RANBP2: variants seen among roughly 807,000 people sequenced by gnomAD.
RANBP2 encodes the protein RAN binding protein 2, also known as E3 SUMO-protein ligase RanBP2.
A neutral mutation model predicts 303.6 loss-of-function variants in RANBP2; 57 were observed. The observed-to-expected ratio is 0.19, with a 90% CI of 0.15 to 0.23. The LOEUF (loss-of-function observed/expected upper bound fraction) is 0.23. Ranked by LOEUF, RANBP2 falls within the 10% of genes least tolerant of loss-of-function variation. RANBP2 has a pLI of 1.00. For missense variants in RANBP2, 3,138 were observed against 3,780.8 expected (o/e 0.83, Z 4.46); for synonymous variants, 1,167 against 1,301.5 (o/e 0.90, Z 2.23).
the RANBP2 span, among the ~76,000 whole-genome samples, chr2:109,403,298 G>A: frequency 1.3e-5 from 2 of 152,124 alleles, no homozygotes; most frequent in Non-Finnish European, 2.9e-5. Context: ...TCTCTCCTTC[G>A]GCTTCTTCTG....
the RANBP2 span, among the ~76,000 whole-genome samples, chr2:109,169,597 C>G: frequency 1.1e-3 from 166 of 152,136 alleles, no homozygotes; most frequent in Non-Finnish European, 2.0e-3. Flanking sequence ...ACAAACTGAC[C>G]GAGCTTAGCA....
At chr2:108,873,153 C>T in the RANBP2 span, among the ~76,000 whole-genome samples, 9 of 151,990 alleles carry the variant, frequency 5.9e-5, no homozygotes, top group Admixed American at 1.3e-4. Flanking sequence ...CTTATTGTTA[C>T]GAACTTACTG....
the RANBP2 span, chr2:108,897,098 C>T: frequency 1.7e-5 from 27 of 1,614,048 alleles, no homozygotes; most frequent in African/African-American, 9.3e-5. Context: ...CCAATCTCAT[C>T]CCTCTTCAGG....
At chr2:109,130,030 C>A in the RANBP2 span, 4 of 1,340,896 alleles carry the variant, frequency 3.0e-6, no homozygotes, top group South Asian at 5.8e-5. Flanking sequence ...CCCGGGTTCC[C>A]CGGTTTTCCT....
chr2:109,060,820 T>G, the RANBP2 span, among the ~76,000 whole-genome samples: 1 of 152,206 alleles, frequency 6.6e-6, no homozygotes, highest in East Asian at 1.9e-4. Flanking sequence ...TTCTCTGAGA[T>G]TATAATTTCT....
chr2:109,432,799 G>A, the RANBP2 span: 2 of 1,299,340 alleles, frequency 1.5e-6, no homozygotes, highest in East Asian at 5.2e-5. Flanking sequence ...CAGTGCCCAG[G>A]GTTCAGCCCC....
the RANBP2 span, chr2:108,910,733 TG>T: frequency 6.2e-7 from 1 of 1,604,198 alleles, no homozygotes; most frequent in Non-Finnish European, 8.5e-7. Context: ...CACCCAGAGA[TG>T]GGCACCGTGC....
the RANBP2 span, among the ~76,000 whole-genome samples, chr2:109,658,539 A>C: frequency 6.6e-6 from 1 of 152,360 alleles, no homozygotes; most frequent in South Asian, 2.1e-4. Flanking sequence ...CTTTCAGAAC[A>C]AGGTTGACTC....
At chr2:109,429,595 C>T in the RANBP2 span, among the ~76,000 whole-genome samples, 1 of 152,122 alleles carries the variant, frequency 6.6e-6, no homozygotes, top group Non-Finnish European at 1.5e-5. Flanking sequence ...CTCCCCGGGC[C>T]ACACCTCTGT....
chr2:109,262,955 C>T, the RANBP2 span, among the ~76,000 whole-genome samples: 1 of 152,186 alleles, frequency 6.6e-6, no homozygotes, highest in Non-Finnish European at 1.5e-5. Flanking sequence ...GTCTCAGCCT[C>T]CCACGTAGCT....
intron 8 of RANBP2, among the ~76,000 whole-genome samples, chr2:108,747,737 G>A (rs1211426321): frequency 6.6e-6 from 1 of 152,144 alleles, no homozygotes; most frequent in Admixed American, 6.6e-5. Context: ...CTGTGTAGTG[G>A]TAACCAAACC....
chr2:108,910,475 G>C, the RANBP2 span: 1 of 1,613,716 alleles, frequency 6.2e-7, no homozygotes, highest in African/African-American at 1.3e-5. Flanking sequence ...GGTGGGCTTT[G>C]CTGGAGTTGC....
At chr2:108,795,557 A>G in the RANBP2 span, among the ~76,000 whole-genome samples, 1 of 152,260 alleles carries the variant, frequency 6.6e-6, no homozygotes, top group Non-Finnish European at 1.5e-5. Context: ...CCCGTTGGAA[A>G]CACATGAAAT....
At chr2:109,411,235 C>T in the RANBP2 span, among the ~76,000 whole-genome samples, 7 of 152,186 alleles carry the variant, frequency 4.6e-5, no homozygotes, top group South Asian at 2.1e-4. Flanking sequence ...CCAGGCAGTG[C>T]GCAGCTCAGG....
At chr2:109,374,974 G>A in the RANBP2 span, among the ~76,000 whole-genome samples, 1 of 152,250 alleles carries the variant, frequency 6.6e-6, no homozygotes, top group Admixed American at 6.5e-5. Context: ...CAGTGGCACA[G>A]TGAGCTGAAG....
the RANBP2 span, among the ~76,000 whole-genome samples, chr2:109,331,076 C>T: frequency 2.0e-5 from 3 of 152,208 alleles, no homozygotes; most frequent in Admixed American, 6.5e-5. Context: ...GACTCCTCAG[C>T]TTTTCCTTCC....
At chr2:108,873,536 T>C in the RANBP2 span, 1 of 1,612,324 alleles carries the variant, frequency 6.2e-7, no homozygotes. Context: ...CTAAGCTTGA[T>C]CTTCAAATAC....
At chr2:109,203,660 C>G in the RANBP2 span, among the ~76,000 whole-genome samples, 1 of 152,162 alleles carries the variant, frequency 6.6e-6, no homozygotes, top group East Asian at 1.9e-4. Context: ...TGTGAGTGTC[C>G]TGGCCCTGTG....
the RANBP2 span, among the ~76,000 whole-genome samples, chr2:109,169,674 T>A: frequency 6.6e-6 from 1 of 152,162 alleles, no homozygotes; most frequent in Non-Finnish European, 1.5e-5. Flanking sequence ...TGTGTTTAAT[T>A]GTTTTCATTG....
Sources: allele counts gnomAD v4.1 joint callset (sites outside exome capture counted in the v4.1 genomes callset), GRCh38; gene constraint gnomAD v4.1.1; transcripts MANE v1.5; gene names NCBI Gene and HGNC (gene_info 2026-07-23, HGNC 2026-07-21).